Variants in CADM1 observed in about 807,000 individuals in gnomAD.
The protein encoded by CADM1 is cell adhesion molecule 1, also known as TSLC-1.
Under a neutral mutation model 53.1 loss-of-function variants are expected in CADM1, and 15 were observed. That is an observed-to-expected ratio of 0.28 (90% CI 0.19 to 0.44). The LOEUF is 0.44. Ranked by LOEUF, CADM1 falls within the 20% of genes least tolerant of loss-of-function variation. The pLI is 1.00. For synonymous variants in CADM1, 281 were observed against 243.0 expected (o/e 1.16, Z -1.45); for missense variants, 434 against 611.3 (o/e 0.71, Z 3.06).
At chr11:115,503,176 C>T (rs1417493072) in intron 1 of CADM1, among the ~76,000 whole-genome samples, 1 of 152,184 alleles carries the variant, frequency 6.6e-6, no homozygotes, top group African/African-American at 2.4e-5. Flanking sequence ...CACAGCCGGC[C>T]TCTCCGCTGA....
At chr11:115,277,664 AGAGACT>A (rs900488247) in intron 1 of CADM1, among the ~76,000 whole-genome samples, 7 of 152,160 alleles carry the variant, frequency 4.6e-5, no homozygotes, top group Non-Finnish European at 8.8e-5. Flanking sequence ...TTAATGGAGG[AGAGACT>A]GCCTTTTGTA....
Position 115,305,287 on chromosome 11 carries a change from G to A in CADM1, c.125-64867C>T, listed in dbSNP as rs530921479. Among the ~76,000 whole-genome samples, 7 of 152,086 alleles carry A rather than the reference G, an allele frequency of 4.6e-5. No homozygotes were observed. In the South Asian group the frequency reaches 6.2e-4, roughly 14 times the overall value. Reference sequence around the variant, plus strand: ...ATTATCTGGACTCCTGCCTACGGGCGCCTTCCAGCTCAGACAAGTATCTGA... The same window carrying A: ...ATTATCTGGACTCCTGCCTACGGGCACCTTCCAGCTCAGACAAGTATCTGA... On this transcript the variant is annotated intron_variant, in intron 1 of 11. Coordinates refer to ENST00000331581, the MANE Select transcript of CADM1 (RefSeq NM_001301043.2).
chr11:115,464,403 G>A (rs1948855378), intron 1 of CADM1, among the ~76,000 whole-genome samples: 1 of 152,164 alleles, frequency 6.6e-6, no homozygotes, highest in Non-Finnish European at 1.5e-5. Context: ...TGTACTGCAC[G>A]TTGGAGACAT....
At chr11:115,425,117 G>A (rs1239615493) in intron 1 of CADM1, among the ~76,000 whole-genome samples, 3 of 152,148 alleles carry the variant, frequency 2.0e-5, no homozygotes, top group Non-Finnish European at 4.4e-5. Flanking sequence ...TATTATTATA[G>A]ATGAAACGAT....
At chr11:115,206,407 G>T (rs568501011) in intron 8 of CADM1, among the ~76,000 whole-genome samples, 2 of 152,248 alleles carry the variant, frequency 1.3e-5, no homozygotes, top group African/African-American at 2.4e-5. Flanking sequence ...CCCATGAGGG[G>T]TATGATTCTG....
intron 1 of CADM1, among the ~76,000 whole-genome samples, chr11:115,496,812 G>C (rs1949627832): frequency 6.6e-6 from 1 of 152,076 alleles, no homozygotes; most frequent in African/African-American, 2.4e-5. Context: ...GGGGAAAAAA[G>C]ACTCCAAATT....
chr11:115,358,623 C>T (rs1945942320), intron 1 of CADM1, among the ~76,000 whole-genome samples: 1 of 152,126 alleles, frequency 6.6e-6, no homozygotes, highest in Non-Finnish European at 1.5e-5. Context: ...CGAACCATAT[C>T]AATTATTACA....
chr11:115,395,130 A>G (rs191998877), intron 1 of CADM1, among the ~76,000 whole-genome samples: 2 of 152,312 alleles, frequency 1.3e-5, no homozygotes, highest in East Asian at 3.9e-4. Context: ...TCACTTAAAG[A>G]TATTTTTTAA....
chr11:115,347,946 C>T (rs1276525992), intron 1 of CADM1, among the ~76,000 whole-genome samples: 4 of 151,986 alleles, frequency 2.6e-5, no homozygotes, highest in Non-Finnish European at 4.4e-5. Context: ...AAGTGGTGCA[C>T]GAAAAATAAG....
intron 1 of CADM1, among the ~76,000 whole-genome samples, chr11:115,420,490 C>T (rs1480557206): frequency 6.6e-6 from 1 of 152,168 alleles, no homozygotes; most frequent in Non-Finnish European, 1.5e-5. Flanking sequence ...TCCTCAGCTG[C>T]CACCATCCTG....
At chr11:115,473,181 G>A (rs1468125718) in intron 1 of CADM1, among the ~76,000 whole-genome samples, 1 of 152,184 alleles carries the variant, frequency 6.6e-6, no homozygotes, top group African/African-American at 2.4e-5. Flanking sequence ...TAAGCAGGCC[G>A]GGCATGATGG....
At chr11:115,254,559 CA>C (rs1942715793) in intron 1 of CADM1, among the ~76,000 whole-genome samples, 2 of 142,574 alleles carry the variant, frequency 1.4e-5, no homozygotes, top group African/African-American at 5.5e-5. Flanking sequence ...AACACACACA[CA>C]CACACACACA....
At chr11:115,238,705 A>G in intron 2 of CADM1, 53 bp from the exon 3 acceptor site, 2 of 1,564,126 alleles carry the variant, frequency 1.3e-6, no homozygotes, top group South Asian at 1.1e-5. Context: ...CGGACAGTCT[A>G]TTTTCCTTAA....
chr11:115,230,466 C>A (rs557663462), intron 4 of CADM1, among the ~76,000 whole-genome samples: 1 of 152,224 alleles, frequency 6.6e-6, no homozygotes, highest in South Asian at 2.1e-4. Flanking sequence ...GAGTTCAGCC[C>A]CTAAGACCTT....
chr11:115,288,387 T>G (rs1181429787), intron 1 of CADM1, among the ~76,000 whole-genome samples: 1 of 152,180 alleles, frequency 6.6e-6, no homozygotes, highest in East Asian at 1.9e-4. Flanking sequence ...TGCAGAATTT[T>G]ATGAGTGCTT....
chr11:115,299,820 G>A (rs1944173277), intron 1 of CADM1, among the ~76,000 whole-genome samples: 1 of 152,074 alleles, frequency 6.6e-6, no homozygotes, highest in South Asian at 2.1e-4. Flanking sequence ...CTCTTAAAAT[G>A]GTATTCTCAT....
intron 1 of CADM1, among the ~76,000 whole-genome samples, chr11:115,441,712 C>T (rs1948316791): frequency 1.3e-5 from 2 of 152,128 alleles, no homozygotes; most frequent in South Asian, 2.1e-4. Context: ...AGAAGTTGTT[C>T]TGGGACACCT....
At chr11:115,333,935 T>G (rs1221540259) in intron 1 of CADM1, among the ~76,000 whole-genome samples, 1 of 152,204 alleles carries the variant, frequency 6.6e-6, no homozygotes, top group African/African-American at 2.4e-5. Flanking sequence ...GCCTTCATTC[T>G]AACTGAATGA....
In CADM1 at chr11:115,238,510, G is replaced by C; in HGVS notation, c.414C>G (p.Ile138Met). 6.2e-7 allele frequency: 1 copy of C among 1,613,868 alleles called. No homozygotes were observed. The change falls in exon 3 of 12, where the codon ATC (isoleucine) becomes ATG (methionine). Residue 138 changes from isoleucine (I) to methionine (M), a missense_variant. By Grantham distance (10) the Ile-to-Met change is conservative. Coordinates refer to ENST00000331581, the MANE Select transcript of CADM1 (RefSeq NM_001301043.2). The part of the protein sequence containing the change: ...TDPPQESYTT[I>M]TVLVPPRNLM... ...ACATGCGTTTCTTACCCAGGACTGT[G>C]ATGGTGGTGTAACTTTCCTGTGGGG...
Sources: allele counts gnomAD v4.1 joint callset (sites outside exome capture counted in the v4.1 genomes callset), GRCh38; gene constraint gnomAD v4.1.1; transcripts MANE v1.5; gene names NCBI Gene and HGNC (gene_info 2026-07-23, HGNC 2026-07-21).